The following ZEB2 variants were observed in gnomAD, a reference collection of about 807,000 sequenced individuals.
The protein encoded by ZEB2 is zinc finger E-box-binding homeobox 2.
In ZEB2, 6 loss-of-function variants were observed where a neutral mutation model predicts 99.9. The observed-to-expected ratio is 0.06, with a 90% CI of 0.03 to 0.12. The LOEUF is 0.12. Among genes scored for constraint, ZEB2 ranks in the 10% least tolerant of loss-of-function variants. The pLI, the probability that ZEB2 is intolerant of heterozygous loss-of-function variation, is 1.00. For missense variants in ZEB2, 969 were observed against 1,502.8 expected (o/e 0.64, Z 5.87); for synonymous variants, 517 against 542.5 (o/e 0.95, Z 0.65).
At chr2:144,482,871 C>G (rs1407986788) in intron 2 of ZEB2, among the ~76,000 whole-genome samples, 1 of 151,910 alleles carries the variant, frequency 6.6e-6, no homozygotes, top group Non-Finnish European at 1.5e-5. Flanking sequence ...ATTGCCCCTC[C>G]TCCATTTGTC....
intron 4 of ZEB2, among the ~76,000 whole-genome samples, chr2:144,423,378 C>A (rs1703646215): frequency 6.6e-6 from 1 of 152,178 alleles, no homozygotes; most frequent in Non-Finnish European, 1.5e-5. Flanking sequence ...GTATCTAATT[C>A]ATGATATCGC....
At chr2:144,458,481 T>C (rs13389578) in intron 2 of ZEB2, among the ~76,000 whole-genome samples, 21,684 of 152,066 alleles carry the variant, frequency 0.14, 2,199 homozygotes, top group African/African-American at 0.29. Context: ...ATTATCACAG[T>C]ATTCACCTTG....
At chr2:144,409,656 C>A (rs1165988777) in intron 4 of ZEB2, among the ~76,000 whole-genome samples, 1 of 152,166 alleles carries the variant, frequency 6.6e-6, no homozygotes, top group African/African-American at 2.4e-5. Flanking sequence ...TCAATCTTCT[C>A]TAAGGTTAGA....
At chr2:144,509,530 A>T (rs1464933780) in intron 2 of ZEB2, among the ~76,000 whole-genome samples, 1 of 152,178 alleles carries the variant, frequency 6.6e-6, no homozygotes, top group Non-Finnish European at 1.5e-5. Flanking sequence ...CACAAGGGTT[A>T]TTGGAAAAGC....
At chr2:144,401,481 A>G (rs1703309849) in intron 6 of ZEB2, among the ~76,000 whole-genome samples, 174 bp from the exon 7 acceptor site, 1 of 152,230 alleles carries the variant, frequency 6.6e-6, no homozygotes, top group African/African-American at 2.4e-5. Context: ...TGGTAATAAA[A>G]TTGGAACAAA....
chr2:144,394,567 G>A (rs1329413178), intron 9 of ZEB2: 1 of 152,136 alleles, frequency 6.6e-6, no homozygotes. Context: ...TCTTTACTTT[G>A]TAAATGCTTA....
chr2:144,479,675 C>CTT lies in ZEB2; in HGVS notation c.73+37601_73+37602dup, dbSNP rs77727562. Among the ~76,000 whole-genome samples the CTT allele has an allele frequency of 8.9e-5, 2 of 22,382 alleles. 1 individual carries two copies. Among genetic ancestry groups the CTT allele is most frequent in the African/African-American group, 3.0e-4 (2 of 6,576 alleles). The allele number at this position is 22,382 out of a possible 152,430, so 14.7% of individuals were successfully genotyped here. On this transcript the variant is annotated intron_variant, in intron 2 of 9. Coordinates refer to ENST00000627532, the MANE Select transcript of ZEB2 (RefSeq NM_014795.4). ...ATACTCTTAGTGAGTGTGTATGCTA[C>CTT]TTTTTTTTGGGGGGGGGGGCGGGGG... is the stretch of plus-strand genomic sequence containing the variant.
intron 2 of ZEB2, among the ~76,000 whole-genome samples, chr2:144,474,148 G>A (rs940658789): frequency 4.6e-5 from 7 of 152,178 alleles, no homozygotes; most frequent in Admixed American, 2.0e-4. Flanking sequence ...AGCTGGGAGA[G>A]GAGCAGAGCC....
intron 2 of ZEB2, among the ~76,000 whole-genome samples, chr2:144,502,085 C>A (rs1704878432): frequency 6.6e-6 from 1 of 152,170 alleles, no homozygotes; most frequent in African/African-American, 2.4e-5. Context: ...ACGCTTAGGG[C>A]AGGTAGAAAT....
At chr2:144,485,764 A>C (rs566377403) in intron 2 of ZEB2, among the ~76,000 whole-genome samples, 20 of 151,914 alleles carry the variant, frequency 1.3e-4, no homozygotes, top group African/African-American at 4.6e-4. Flanking sequence ...GATTACAGGC[A>C]CTCGCCACCA....
At chr2:144,430,979 A>T (rs893559435) in intron 2 of ZEB2, 1 of 151,772 alleles carries the variant, frequency 6.6e-6, no homozygotes, top group Non-Finnish European at 1.5e-5. Flanking sequence ...AGAGAAACAC[A>T]CCAGCCGTTA....
intron 2 of ZEB2, among the ~76,000 whole-genome samples, chr2:144,485,248 A>G (rs941894288): frequency 6.6e-6 from 1 of 152,188 alleles, no homozygotes; most frequent in African/African-American, 2.4e-5. Context: ...AATTACATGA[A>G]TGCTCTCTAG....
At chr2:144,488,251 A>C (rs1427791436) in intron 2 of ZEB2, among the ~76,000 whole-genome samples, 7 of 152,254 alleles carry the variant, frequency 4.6e-5, no homozygotes. Context: ...ACACTCAATA[A>C]GACCCTAGGC....
intron 2 of ZEB2, among the ~76,000 whole-genome samples, chr2:144,488,702 T>TGTGTGA (rs1411024577): frequency 6.5e-4 from 97 of 149,258 alleles, no homozygotes; most frequent in Middle Eastern, 3.5e-3. Context: ...TGTGTGTGTG[T>TGTGTGA]GATGGGCATT....
At chr2:144,513,824 A>G in intron 2 of ZEB2, 1 of 1,535,590 alleles carries the variant, frequency 6.5e-7, no homozygotes, top group South Asian at 1.2e-5. Context: ...GGGTATAATC[A>G]GGGGAAAGAA....
intron 9 of ZEB2, among the ~76,000 whole-genome samples, chr2:144,393,701 T>C (rs536912269): frequency 1.2e-4 from 18 of 152,214 alleles, no homozygotes; most frequent in African/African-American, 3.6e-4. Flanking sequence ...ACACTGACAG[T>C]AGTAATGTCA....
chr2:144,512,730 T>C (rs1705061550), intron 2 of ZEB2: 1 of 1,287,060 alleles, frequency 7.8e-7, no homozygotes, highest in Non-Finnish European at 1.0e-6. Flanking sequence ...CTACCCCAAT[T>C]GGCTTAGTTT....
intron 1 of ZEB2, chr2:144,519,404 A>G (rs188016812): frequency 6.5e-6 from 1 of 153,384 alleles, no homozygotes; most frequent in Non-Finnish European, 1.5e-5. Context: ...CTTTCTGCTT[A>G]GAAAACAGCC....
At chr2:144,424,418 A>G (rs747089450) in intron 4 of ZEB2, 5 of 524,836 alleles carry the variant, frequency 9.5e-6, no homozygotes, top group South Asian at 7.0e-5. Context: ...TATCATTTGA[A>G]TTCTCAACGA....
Sources: gnomAD v4.1 joint callset for allele counts (sites outside exome capture counted in the v4.1 genomes callset) on GRCh38, gnomAD v4.1.1 for gene constraint, MANE v1.5 for transcripts, NCBI Gene and HGNC (gene_info 2026-07-23, HGNC 2026-07-21) for gene names.